Variants in AFF2 observed in about 807,000 individuals in gnomAD.
AFF2 encodes the protein AF4/FMR2 family member 2.
A neutral mutation model predicts 76.9 loss-of-function variants in AFF2; 14 were observed. The observed-to-expected ratio is 0.18, with a 90% CI of 0.12 to 0.28. The LOEUF (loss-of-function observed/expected upper bound fraction) is 0.28, where lower values mean the gene tolerates loss of function less well. Among genes scored for constraint, AFF2 ranks in the 10% least tolerant of loss-of-function variants. AFF2 has a pLI of 1.00. For missense variants in AFF2, 868 were observed against 1,001.1 expected (o/e 0.87, Z 1.79); for synonymous variants, 398 against 366.7 (o/e 1.09, Z -0.98).
chrX:148,828,902 A>G (rs781783255), intron 4 of AFF2, among the ~76,000 whole-genome samples: 1 of 112,238 alleles, frequency 8.9e-6, no homozygotes, highest in Admixed American at 9.4e-5. Context: ...GAGATTCAGA[A>G]TACTGATCAC....
intron 1 of AFF2, among the ~76,000 whole-genome samples, chrX:148,503,239 A>G (rs2052373176): frequency 8.9e-6 from 1 of 112,232 alleles, no homozygotes; most frequent in Non-Finnish European, 1.9e-5. Flanking sequence ...GTATAGCTCC[A>G]CAGAGAAAAG....
intron 1 of AFF2, among the ~76,000 whole-genome samples, chrX:148,600,433 A>G (rs2053615434): frequency 8.9e-6 from 1 of 111,785 alleles, no homozygotes; most frequent in Non-Finnish European, 1.9e-5. Flanking sequence ...AGAAAATCTC[A>G]TTCTCTACAA....
intron 9 of AFF2, among the ~76,000 whole-genome samples, chrX:148,946,392 G>A (rs2071901414): frequency 8.9e-6 from 1 of 112,492 alleles, no homozygotes; most frequent in Non-Finnish European, 1.9e-5. Context: ...ATCTGTTCAG[G>A]TGTAAGAGGG....
chrX:148,905,856 G>A (rs185712302), intron 9 of AFF2, among the ~76,000 whole-genome samples: 2 of 112,627 alleles, frequency 1.8e-5, no homozygotes, highest in African/African-American at 6.4e-5. Flanking sequence ...TGACCCTACA[G>A]TAATTGTATT....
chrX:148,804,398 T>C (rs1557271161), intron 3 of AFF2, among the ~76,000 whole-genome samples: 1 of 112,203 alleles, frequency 8.9e-6, no homozygotes, highest in Non-Finnish European at 1.9e-5. Flanking sequence ...ATTCATTTGC[T>C]CAAAGAAATA....
At chrX:148,694,220 G>A (rs781837597) in intron 3 of AFF2, among the ~76,000 whole-genome samples, 1 of 109,079 alleles carries the variant, frequency 9.2e-6, no homozygotes, top group African/African-American at 3.4e-5. Context: ...TAATGCTAGA[G>A]ACGAGTTAGT....
intron 8 of AFF2, among the ~76,000 whole-genome samples, chrX:148,900,793 A>G (rs1460056173): frequency 8.9e-6 from 1 of 112,010 alleles, no homozygotes; most frequent in African/African-American, 3.2e-5. Flanking sequence ...AAACATATCA[A>G]AGTCTTCTGT....
chrX:148,599,979 A>G (rs1179803369), intron 1 of AFF2, among the ~76,000 whole-genome samples: 1 of 112,234 alleles, frequency 8.9e-6, no homozygotes, highest in Non-Finnish European at 1.9e-5. Flanking sequence ...CTCCTTCAAT[A>G]AAACATAACA....
At chrX:148,975,199 T>G (rs2072306287) in intron 16 of AFF2, among the ~76,000 whole-genome samples, 1 of 111,678 alleles carries the variant, frequency 9.0e-6, no homozygotes, top group Non-Finnish European at 1.9e-5. Flanking sequence ...AAATGAGTAT[T>G]CATATCTTTT....
rs375118205 is a variant in AFF2 at position 148,637,763 on chromosome X, A to G, written c.48-14236A>G. Among the ~76,000 whole-genome samples, 15 of 112,632 alleles carry G rather than the reference A, an allele frequency of 1.3e-4. No individual in the cohort carries two copies. The East Asian group carries it at 3.6e-3, about 27-fold the overall frequency. On this transcript the variant is annotated intron_variant, in intron 1 of 20. Coordinates refer to ENST00000370460, the MANE Select transcript of AFF2 (RefSeq NM_002025.4). ...ATATTTTACACTTACAGTACATCTT[A>G]ATACAGACTAACCACATTTCCAGTG... is the stretch of plus-strand genomic sequence containing the variant.
intron 9 of AFF2, among the ~76,000 whole-genome samples, chrX:148,931,987 A>C (rs2071719290): frequency 9.0e-6 from 1 of 111,628 alleles, no homozygotes; most frequent in Non-Finnish European, 1.9e-5. Flanking sequence ...TATGTAGTAG[A>C]CTCCACTGGG....
intron 8 of AFF2, among the ~76,000 whole-genome samples, chrX:148,892,728 G>A (rs1557279904): frequency 8.9e-6 from 1 of 112,132 alleles, no homozygotes. Flanking sequence ...TTGGTGTGCT[G>A]TATAGAATAC....
chrX:148,809,516 A>G (rs2070177528), intron 3 of AFF2, among the ~76,000 whole-genome samples: 1 of 112,002 alleles, frequency 8.9e-6, no homozygotes. Flanking sequence ...TAGGCCTTAT[A>G]TTTTTAATGA....
At chrX:148,832,142 C>A (rs1373551915) in intron 4 of AFF2, among the ~76,000 whole-genome samples, 1 of 109,217 alleles carries the variant, frequency 9.2e-6, no homozygotes, top group African/African-American at 3.4e-5. Context: ...TAAAGCAAAA[C>A]TAAAAAATAA....
intron 1 of AFF2, among the ~76,000 whole-genome samples, chrX:148,594,541 G>T (rs186368345): frequency 9.1e-6 from 1 of 109,778 alleles, no homozygotes; most frequent in African/African-American, 3.3e-5. Context: ...AAACTCAAAA[G>T]GACTGGAGAT....
chrX:148,841,391 T>C (rs1716512797), intron 5 of AFF2, among the ~76,000 whole-genome samples: 1 of 112,227 alleles, frequency 8.9e-6, no homozygotes, highest in Admixed American at 9.5e-5. Flanking sequence ...TATTATTCTA[T>C]AGGAATCATG....
In AFF2 at chrX:148,661,807, G is replaced by A. The variant is rs566156101; in HGVS notation, c.181-101G>A. 6.1e-4 allele frequency: 517 copies of A among 851,426 alleles called. 1 individual carries two copies. The highest frequency in any genetic ancestry group is 1.1e-3 in the Admixed American group (34 of 31,997). 70.2% of individuals were successfully genotyped at this position (851,426 alleles called of 1,213,427 possible). A position where few individuals can be genotyped will look rare whatever the true frequency, so the allele number is the denominator to read the frequency against. ...CAGCAAGACATATTTAAAGAATCCC[G>A]TATGATAGTCTACTTAGGGCATCTG... On this transcript the variant is annotated intron_variant, in intron 2 of 20. Coordinates refer to ENST00000370460, the MANE Select transcript of AFF2 (RefSeq NM_002025.4).
At chrX:148,558,328 C>T (rs1411059148) in intron 1 of AFF2, among the ~76,000 whole-genome samples, 6 of 111,260 alleles carry the variant, frequency 5.4e-5, no homozygotes, top group Admixed American at 2.9e-4. Flanking sequence ...GCCATAAATC[C>T]GGGCTAAAAT....
At chrX:148,872,936 A>G (rs928271721) in intron 7 of AFF2, among the ~76,000 whole-genome samples, 32 of 111,715 alleles carry the variant, frequency 2.9e-4, no homozygotes, top group East Asian at 8.5e-4. Flanking sequence ...TCAACTCTAT[A>G]TGACTTTGAG....
Sources: gnomAD v4.1 joint callset for allele counts (sites outside exome capture counted in the v4.1 genomes callset) on GRCh38, gnomAD v4.1.1 for gene constraint, MANE v1.5 for transcripts, NCBI Gene and HGNC (gene_info 2026-07-23, HGNC 2026-07-21) for gene names.